Variants in PHF21A observed in about 807,000 individuals in gnomAD.
PHF21A encodes the protein PHD finger protein 21A.
PHF21A carries 11 observed loss-of-function variants against 82.5 expected under a neutral mutation model. That is an observed-to-expected ratio of 0.13 (90% CI 0.08 to 0.22). The LOEUF is 0.22. Ranked by LOEUF, PHF21A falls within the 10% of genes least tolerant of loss-of-function variation. PHF21A has a pLI of 1.00. For synonymous variants in PHF21A, 297 were observed against 302.8 expected, an observed-to-expected ratio of 0.98 and a Z score of 0.20; for missense variants, 579 against 837.8, an observed-to-expected ratio of 0.69 and a Z score of 3.81.
In PHF21A at chr11:45,958,224, T is replaced by C. The variant is rs1042290061; in HGVS notation, c.997-4599A>G. 2.3e-4 allele frequency among the ~76,000 whole-genome samples: 35 copies of C among 149,420 alleles called. No individual in the cohort carries two copies. The Admixed American group carries it at 2.3e-3, about 10-fold the overall frequency. Reference sequence around the variant, plus strand: ...CCAATCTGTCTCAAATTCCAGAAAATACACTCTTAAATCATTCTATGAGGC... The same window carrying C: ...CCAATCTGTCTCAAATTCCAGAAAACACACTCTTAAATCATTCTATGAGGC... On this transcript the variant is annotated intron_variant, in intron 10 of 18. Transcript: ENST00000676320.
chr11:46,016,475 C>A (rs1243172210), intron 6 of PHF21A, among the ~76,000 whole-genome samples: 1 of 152,140 alleles, frequency 6.6e-6, no homozygotes, highest in Non-Finnish European at 1.5e-5. Flanking sequence ...ATTATTCCCT[C>A]TCTCATGCAA....
chr11:45,953,671 A>G (rs1318436201), intron 10 of PHF21A, 46 bp from the exon 11 acceptor site: 5 of 1,246,212 alleles, frequency 4.0e-6, no homozygotes, highest in Non-Finnish European at 5.8e-6. Flanking sequence ...GTTTTTTATT[A>G]AAAGGATGAA....
At chr11:46,062,475 C>A (rs1487738540) in intron 6 of PHF21A, among the ~76,000 whole-genome samples, 1 of 151,980 alleles carries the variant, frequency 6.6e-6, no homozygotes, top group Non-Finnish European at 1.5e-5. Flanking sequence ...AGAATTGTTT[C>A]TGTTTTCTAA....
In PHF21A at chr11:46,074,321, T is replaced by C. The variant is rs118162057; in HGVS notation, c.153+2433A>G. ...TATGACATTATTCTTCAAACTTTTC[T>C]GTATTTTAAATTTTTCTAACAAAAA... On this transcript the variant is annotated intron_variant, in intron 6 of 18. Coordinates refer to ENST00000676320, the MANE Select transcript of PHF21A (RefSeq NM_001352027.3). Among the ~76,000 whole-genome samples, 1,341 of 152,280 alleles carry C rather than the reference T, an allele frequency of 8.8e-3. 7 individuals are homozygous for C. The highest frequency in any genetic ancestry group is 0.015 in the Non-Finnish European group (1,011 of 68,024).
chr11:45,986,384 C>T (rs2094493088), intron 6 of PHF21A, among the ~76,000 whole-genome samples: 1 of 152,054 alleles, frequency 6.6e-6, no homozygotes, highest in South Asian at 2.1e-4. Flanking sequence ...TTCTAAAAAC[C>T]TGGGACTGCC....
chr11:45,968,823 T>C (rs908020540), intron 9 of PHF21A, among the ~76,000 whole-genome samples: 14 of 149,854 alleles, frequency 9.3e-5, no homozygotes, highest in African/African-American at 3.2e-4. Flanking sequence ...CCCAACTACT[T>C]GGAAGGCTGA....
intron 6 of PHF21A, among the ~76,000 whole-genome samples, chr11:45,981,301 G>A (rs2094269984): frequency 6.9e-6 from 1 of 145,664 alleles, no homozygotes; most frequent in Non-Finnish European, 1.5e-5. Flanking sequence ...CAGGAGAATT[G>A]CTTGAACCTA....
intron 15 of PHF21A, among the ~76,000 whole-genome samples, chr11:45,940,259 G>A (rs903750279): frequency 4.6e-5 from 7 of 151,704 alleles, no homozygotes; most frequent in Non-Finnish European, 7.4e-5. Context: ...GCAGTGGCGC[G>A]ATCTCGGCTC....
At chr11:45,950,357 G>A (rs1291419298) in intron 11 of PHF21A, 100 bp from the exon 12 acceptor site, 3 of 931,050 alleles carry the variant, frequency 3.2e-6, no homozygotes, top group Non-Finnish European at 5.1e-6. Flanking sequence ...AGCCCAATGG[G>A]CGGGTCTCAT....
chr11:45,997,794 A>C (rs1329418358), intron 6 of PHF21A, among the ~76,000 whole-genome samples: 1 of 152,178 alleles, frequency 6.6e-6, no homozygotes, highest in Non-Finnish European at 1.5e-5. Flanking sequence ...TGCTGGGCAG[A>C]CCTGCCTCAT....
chr11:45,944,717 AT>A (rs1467801742), intron 15 of PHF21A, among the ~76,000 whole-genome samples: 3 of 152,202 alleles, frequency 2.0e-5, no homozygotes, highest in Non-Finnish European at 4.4e-5. Flanking sequence ...ACCACTCTTC[AT>A]AAACATCAGC....
chr11:45,968,005 T>C (rs1049357694), intron 9 of PHF21A, among the ~76,000 whole-genome samples: 1 of 152,214 alleles, frequency 6.6e-6, no homozygotes, highest in Non-Finnish European at 1.5e-5. Flanking sequence ...GATCCACTGT[T>C]TGAAAAACAT....
chr11:45,935,309 C>T, intron 18 of PHF21A: 2 of 1,244,152 alleles, frequency 1.6e-6, no homozygotes, highest in South Asian at 2.5e-5. Context: ...AGGCGCTACA[C>T]TCCCCCCACA....
At chr11:46,103,061 C>T (rs964888010) in intron 1 of PHF21A, among the ~76,000 whole-genome samples, 4 of 152,132 alleles carry the variant, frequency 2.6e-5, no homozygotes, top group Admixed American at 6.5e-5. Context: ...GGAGCACCAC[C>T]GGCTGGACAG....
intron 7 of PHF21A, among the ~76,000 whole-genome samples, chr11:45,979,385 C>A (rs957534274): frequency 6.6e-6 from 1 of 152,108 alleles, no homozygotes; most frequent in African/African-American, 2.4e-5. Context: ...TAGCTCTATG[C>A]CTAGTTGCTA....
chr11:45,964,198 CAAAATA>C (rs951825177), intron 10 of PHF21A, among the ~76,000 whole-genome samples: 5 of 7,404 alleles, frequency 6.8e-4, no homozygotes, highest in Non-Finnish European at 1.6e-3. Flanking sequence ...AACTCCATCT[CAAAATA>C]ATAATAATAA....
chr11:45,949,630 C>A (rs2091838816), intron 12 of PHF21A, 149 bp from the exon 13 acceptor site: 2 of 687,410 alleles, frequency 2.9e-6, no homozygotes, highest in Non-Finnish European at 5.1e-6. Context: ...GGCAAGCACA[C>A]TACTGGAAGC....
chr11:45,964,124 G>C (rs890017175), intron 10 of PHF21A, among the ~76,000 whole-genome samples: 4 of 151,252 alleles, frequency 2.6e-5, no homozygotes, highest in African/African-American at 7.3e-5. Flanking sequence ...CTTGAACCTG[G>C]GAGGCGGAGG....
At position 46,035,418 on chromosome 11, in the gene PHF21A, G is replaced by GA. The variant is rs1184170130; in HGVS notation, c.153+41335dup. 3.0e-3 allele frequency among the ~76,000 whole-genome samples: 463 copies of GA among 152,192 alleles called. 3 individuals are homozygous for GA. Among genetic ancestry groups the GA allele is most frequent in the African/African-American group, 0.011 (451 of 41,506 alleles). On this transcript the variant is annotated intron_variant, in intron 6 of 18. Transcript: ENST00000676320. ...CTGACTAAACCTTCTAGTATGTTTT[G>GA]ACTCTGTTGGTTACTTCATTCACTT...
Sources: allele counts gnomAD v4.1 joint callset (sites outside exome capture counted in the v4.1 genomes callset), GRCh38; gene constraint gnomAD v4.1.1; transcripts MANE v1.5; gene names NCBI Gene and HGNC (gene_info 2026-07-23, HGNC 2026-07-21).